ATP8B4: variants seen among roughly 807,000 people sequenced by gnomAD.
The protein encoded by ATP8B4 is probable phospholipid-transporting ATPase IM.
Under a neutral mutation model 145.6 loss-of-function variants are expected in ATP8B4, and 133 were observed. The observed-to-expected ratio is 0.91, with a 90% CI of 0.79 to 1.05. ATP8B4 has a LOEUF of 1.05. Ranked by LOEUF, ATP8B4 falls within the 50% of genes least tolerant of loss-of-function variation. The pLI is 0.00. For missense variants in ATP8B4, 1,458 were observed against 1,425.2 expected, an observed-to-expected ratio of 1.02 and a Z score of -0.37; for synonymous variants, 507 against 492.9, an observed-to-expected ratio of 1.03 and a Z score of -0.38.
intron 1 of ATP8B4, among the ~76,000 whole-genome samples, chr15:50,166,171 C>T (rs879934064): frequency 6.6e-6 from 1 of 152,080 alleles, no homozygotes; most frequent in Non-Finnish European, 1.5e-5. Flanking sequence ...GAATTCTATA[C>T]TCAGTGAAAA....
rs1456581077 is a variant in ATP8B4 at position 50,125,174 on chromosome 15, G to C, written c.-42-18166C>G. Among the ~76,000 whole-genome samples, 3 of 152,102 alleles carry C rather than the reference G, an allele frequency of 2.0e-5. No homozygotes were observed. In the East Asian group the frequency reaches 5.8e-4, roughly 29 times the overall value. ...TACAAGAAAGGAGTAGTAGAACAATGAACCCGATCTGGATCAGTTTCAGGG... is the reference window on the plus strand; with the variant it reads ...TACAAGAAAGGAGTAGTAGAACAATCAACCCGATCTGGATCAGTTTCAGGG... On this transcript the variant is annotated intron_variant, in intron 1 of 3. Transcript: ENST00000558829.
intron 1 of ATP8B4, among the ~76,000 whole-genome samples, chr15:50,159,100 A>AT (rs1160819059): frequency 6.6e-6 from 1 of 151,874 alleles, no homozygotes; most frequent in East Asian, 1.9e-4. Context: ...AGAATGATCA[A>AT]TAAAAAAAAA....
chr15:49,930,071 T>C (rs913707640), intron 16 of ATP8B4, among the ~76,000 whole-genome samples: 1 of 151,848 alleles, frequency 6.6e-6, no homozygotes, highest in Non-Finnish European at 1.5e-5. Flanking sequence ...GAGGATAATA[T>C]AGTTGTGGGC....
chr15:49,938,006 G>C (rs1280592522), intron 14 of ATP8B4, among the ~76,000 whole-genome samples: 4 of 152,130 alleles, frequency 2.6e-5, no homozygotes, highest in Non-Finnish European at 4.4e-5. Context: ...GCCATGATAA[G>C]GCAAGCACGT....
At chr15:50,166,447 A>G (rs141001106) in intron 1 of ATP8B4, among the ~76,000 whole-genome samples, 137 of 152,348 alleles carry the variant, frequency 9.0e-4, no homozygotes, top group African/African-American at 3.3e-3. Context: ...ATAATATCTT[A>G]ACAAAGCAGG....
At chr15:50,059,379 G>A (rs557405191) in intron 3 of ATP8B4, among the ~76,000 whole-genome samples, 3 of 152,244 alleles carry the variant, frequency 2.0e-5, no homozygotes, top group African/African-American at 7.2e-5. Flanking sequence ...TAAGTACCAG[G>A]CTTCAGGTCA....
chr15:50,118,886 T>C (rs755417922), intron 1 of ATP8B4, among the ~76,000 whole-genome samples: 4 of 151,712 alleles, frequency 2.6e-5, no homozygotes, highest in African/African-American at 4.9e-5. Flanking sequence ...GAGTAAAAAA[T>C]AGACATTTCA....
intron 20 of ATP8B4, among the ~76,000 whole-genome samples, chr15:49,907,206 G>T (rs888921708): frequency 6.6e-6 from 1 of 152,184 alleles, no homozygotes; most frequent in Non-Finnish European, 1.5e-5. Flanking sequence ...GTACATCCCA[G>T]ACTTGAACTA....
intron 5 of ATP8B4, among the ~76,000 whole-genome samples, chr15:50,043,725 A>C (rs8028408): frequency 6.6e-6 from 1 of 151,656 alleles, no homozygotes; most frequent in African/African-American, 2.4e-5. Context: ...AGGCCGAGGC[A>C]GGTGGATCAT....
At position 49,981,274 on chromosome 15, in the gene ATP8B4, G is replaced by T. The variant is rs773447978; in HGVS notation, c.769C>A (p.Gln257Lys). 1.9e-6 allele frequency: 3 copies of T among 1,608,308 alleles called. No individual in the cohort carries two copies. In the African/African-American group the frequency reaches 4.0e-5, roughly 22 times the overall value. The change falls in exon 11 of 28, where the codon CAG (glutamine) becomes AAG (lysine). Residue 257 changes from glutamine (Q) to lysine (K), a missense_variant. By Grantham distance (53) the Gln-to-Lys change is moderately conservative. Transcript: ENST00000284509. ...IFAGPDTKLM[Q>K]NSGKTKFKRT... ...TTAAACTTTGTCTTACCACTATTCT[G>T]CATTAGTTTAGTGTCAGGACCTGCA...
intron 2 of ATP8B4, among the ~76,000 whole-genome samples, chr15:50,090,655 A>G (rs1247208607): frequency 6.6e-6 from 1 of 152,242 alleles, no homozygotes. Context: ...GTTTTTAAAA[A>G]AGTGAATGAA....
At chr15:49,874,321 G>A (rs2034072764) in intron 25 of ATP8B4, among the ~76,000 whole-genome samples, 1 of 152,310 alleles carries the variant, frequency 6.6e-6, no homozygotes, top group African/African-American at 2.4e-5. Flanking sequence ...AGGCCCCTCT[G>A]AAGAAATGAC....
At chr15:50,092,562 T>C (rs1179476816) in intron 2 of ATP8B4, among the ~76,000 whole-genome samples, 1 of 151,928 alleles carries the variant, frequency 6.6e-6, no homozygotes, top group African/African-American at 2.4e-5. Context: ...CTCTAGAATT[T>C]GAAAATATAA....
intron 20 of ATP8B4, among the ~76,000 whole-genome samples, chr15:49,908,897 T>C (rs1404502570): frequency 2.0e-5 from 3 of 152,112 alleles, no homozygotes; most frequent in Admixed American, 1.3e-4. Context: ...AGCTGCCACC[T>C]ACAGCCAAAG....
chr15:49,993,600 T>C (rs1378245860), intron 9 of ATP8B4, among the ~76,000 whole-genome samples: 1 of 152,160 alleles, frequency 6.6e-6, no homozygotes, highest in Non-Finnish European at 1.5e-5. Context: ...CTAATTTGTA[T>C]ATTGTTTCTA....
chr15:50,109,395 G>T (rs534554766), intron 1 of ATP8B4, among the ~76,000 whole-genome samples: 1 of 152,102 alleles, frequency 6.6e-6, no homozygotes, highest in African/African-American at 2.4e-5. Flanking sequence ...AAACAAAATT[G>T]TTTTTGTTTC....
At chr15:49,964,106 T>C (rs1482328437) in intron 13 of ATP8B4, among the ~76,000 whole-genome samples, 1 of 152,214 alleles carries the variant, frequency 6.6e-6, no homozygotes, top group Non-Finnish European at 1.5e-5. Context: ...CTCTCTTCTT[T>C]ATACAATGCT....
intron 5 of ATP8B4, among the ~76,000 whole-genome samples, chr15:50,043,353 G>T (rs1254628804): frequency 2.6e-5 from 4 of 152,128 alleles, no homozygotes; most frequent in Non-Finnish European, 5.9e-5. Context: ...GACTTTTGAA[G>T]CTACAGTTGA....
At chr15:49,929,478 A>T (rs2041053331) in intron 16 of ATP8B4, among the ~76,000 whole-genome samples, 1 of 152,138 alleles carries the variant, frequency 6.6e-6, no homozygotes, top group South Asian at 2.1e-4. Flanking sequence ...AACTTTAGGT[A>T]ACAATCCAGT....
Sources: gnomAD v4.1 joint callset for allele counts (sites outside exome capture counted in the v4.1 genomes callset) on GRCh38, gnomAD v4.1.1 for gene constraint, MANE v1.5 for transcripts, NCBI Gene and HGNC (gene_info 2026-07-23, HGNC 2026-07-21) for gene names.